Variants in LRP11 observed in about 807,000 individuals in gnomAD.
LRP11 encodes low-density lipoprotein receptor-related protein 11.
A neutral mutation model predicts 43.1 loss-of-function variants in LRP11; 25 were observed. That is an observed-to-expected ratio of 0.58 (90% CI 0.42 to 0.81). The LOEUF (loss-of-function observed/expected upper bound fraction) is 0.81. Ranked by LOEUF, LRP11 falls within the 30% of genes least tolerant of loss-of-function variation. The probability of loss-of-function intolerance (pLI) is 0.00; values close to 1 mark genes in which losing one functional copy is unlikely to be tolerated. For missense variants in LRP11, 623 were observed against 665.1 expected (o/e 0.94, Z 0.70); for synonymous variants, 316 against 299.4 (o/e 1.06, Z -0.57).
chr6:149,837,857 C>A (rs1776493863), intron 3 of LRP11, among the ~76,000 whole-genome samples: 2 of 152,160 alleles, frequency 1.3e-5, no homozygotes, highest in South Asian at 4.1e-4. Context: ...CAGGAGGGCA[C>A]CTAATACCAT....
At chr6:149,823,449 G>A (rs1311342536) in intron 6 of LRP11, among the ~76,000 whole-genome samples, 2 of 152,178 alleles carry the variant, frequency 1.3e-5, no homozygotes, top group East Asian at 1.9e-4. Context: ...ACCTTGGAAA[G>A]AGGCGACACC....
chr6:149,840,135 G>A lies in LRP11; in HGVS notation c.914-2672C>T, dbSNP rs1351251552. ...ATATAAGCAGGGTACCTGCTCATCT[G>A]TCTACCTCAGCTAGTGTCACCCTTG... On this transcript the variant is annotated intron_variant, in intron 3 of 6. Transcript: ENST00000239367. Among the ~76,000 whole-genome samples, 3 of 152,246 alleles carry A rather than the reference G, an allele frequency of 2.0e-5. No homozygotes were observed. In the East Asian group the frequency reaches 5.8e-4, roughly 29 times the overall value.
intron 1 of LRP11, among the ~76,000 whole-genome samples, chr6:149,853,764 G>A (rs535637923): frequency 2.0e-5 from 3 of 152,186 alleles, no homozygotes; most frequent in Non-Finnish European, 2.9e-5. Flanking sequence ...CATCTGCCTC[G>A]GCCTCTCAAA....
intron 2 of LRP11, chr6:149,852,641 G>A (rs1419991596): frequency 5.9e-6 from 1 of 168,196 alleles, no homozygotes; most frequent in African/African-American, 2.4e-5. Context: ...CTCCTTTGTA[G>A]TTTCAAATTT....
Position 149,863,798 on chromosome 6 carries a change from GCTC to G in LRP11, c.220_222del (p.Glu74del). On this transcript the variant is annotated inframe_deletion, in exon 1 of 7. Coordinates refer to ENST00000239367, the MANE Select transcript of LRP11 (RefSeq NM_032832.6). ...CCGCCCGCGCGCAGCTCCAGCTCCA[GCTC>G]CTCCTGAGGCCGCTCCTGCTGCAGT... The G allele has an allele frequency of 6.7e-7, 1 of 1,496,528 alleles. No individual in the cohort carries two copies. The highest frequency in any genetic ancestry group is 2.8e-5 in the East Asian group (1 of 35,124). The allele number at this position is 1,496,528 out of a possible 1,614,324, so 92.7% of individuals were successfully genotyped here.
At chr6:149,855,812 T>A (rs1478195579) in intron 1 of LRP11, among the ~76,000 whole-genome samples, 1 of 151,700 alleles carries the variant, frequency 6.6e-6, no homozygotes, top group Non-Finnish European at 1.5e-5. Context: ...CACTTAAGAG[T>A]GAGGACTAGT....
At chr6:149,821,815 A>G (rs1413655) in intron 6 of LRP11, among the ~76,000 whole-genome samples, 78,369 of 152,100 alleles carry the variant, frequency 0.52, 22,644 homozygotes, top group East Asian at 0.83. Flanking sequence ...GGCTCATTCT[A>G]TACCATTTGC....
intron 1 of LRP11, among the ~76,000 whole-genome samples, chr6:149,862,579 T>C (rs891486523): frequency 2.9e-5 from 1 of 34,598 alleles, no homozygotes; most frequent in Non-Finnish European, 9.2e-5. Flanking sequence ...TTCTTTTCCT[T>C]TTTTTTTTTT....
intron 1 of LRP11, among the ~76,000 whole-genome samples, chr6:149,859,396 A>ATATATTTT: frequency 5.6e-5 from 4 of 71,486 alleles, no homozygotes; most frequent in Non-Finnish European, 9.2e-5. Context: ...ATATATATAT[A>ATATATTTT]TTTTTTTTTT....
intron 5 of LRP11, among the ~76,000 whole-genome samples, chr6:149,830,300 C>T (rs183822540): frequency 2.6e-5 from 4 of 152,214 alleles, no homozygotes; most frequent in East Asian, 1.9e-4. Flanking sequence ...CATGAGCCAC[C>T]GTGCCCAGCT....
At chr6:149,833,767 G>C (rs1368291077) in intron 5 of LRP11, among the ~76,000 whole-genome samples, 1 of 152,114 alleles carries the variant, frequency 6.6e-6, no homozygotes, top group African/African-American at 2.4e-5. Flanking sequence ...AAATCCAAAG[G>C]CTGATTATCA....
Position 149,863,788 on chromosome 6 carries a change from T to C in LRP11, c.233A>G (p.Glu78Gly). 1 of 1,485,736 alleles carries C rather than the reference T, an allele frequency of 6.7e-7. No individual in the cohort carries two copies. Among genetic ancestry groups the C allele is most frequent in the South Asian group, 1.3e-5 (1 of 79,266 alleles). The allele number at this position is 1,485,736 out of a possible 1,614,324, so 92.0% of individuals were successfully genotyped here. A position where few individuals can be genotyped will look rare whatever the true frequency, so the allele number is the denominator to read the frequency against. Residue 78 changes from glutamate (E) to glycine (G), a missense_variant, in exon 1 of 7, where the codon GAG becomes GGG. By Grantham distance (98) the Glu-to-Gly change is moderately conservative (BLOSUM62 -2). Transcript: ENST00000239367. The part of the protein sequence containing the change: ...QERPQEELEL[E>G]LRAGGGPQED... Reference sequence around the variant, plus strand: ...CTGGGGGCCGCCGCCCGCGCGCAGCTCCAGCTCCAGCTCCTCCTGAGGCCG... The same window carrying C: ...CTGGGGGCCGCCGCCCGCGCGCAGCCCCAGCTCCAGCTCCTCCTGAGGCCG...
intron 1 of LRP11, among the ~76,000 whole-genome samples, chr6:149,856,937 T>C (rs537011654): frequency 1.3e-5 from 2 of 152,236 alleles, no homozygotes; most frequent in Non-Finnish European, 2.9e-5. Flanking sequence ...AAATCCATCA[T>C]GGATTTCCAA....
At chr6:149,863,258 T>C in intron 1 of LRP11, 150 bp downstream of exon 1, 1 of 1,162,734 alleles carries the variant, frequency 8.6e-7, no homozygotes, top group Non-Finnish European at 1.1e-6. Context: ...GGCTTCCTCT[T>C]CCCTAAGACA....
intron 6 of LRP11, among the ~76,000 whole-genome samples, chr6:149,823,770 G>C (rs994819203): frequency 2.0e-5 from 3 of 152,152 alleles, no homozygotes; most frequent in African/African-American, 7.2e-5. Flanking sequence ...AGACTGTTAG[G>C]TATCAAACAA....
chr6:149,838,542 G>A (rs1207344767), intron 3 of LRP11, among the ~76,000 whole-genome samples: 3 of 151,600 alleles, frequency 2.0e-5, no homozygotes, highest in Admixed American at 1.3e-4. Context: ...AAAATTAGCC[G>A]GGCTTGGTGG....
At chr6:149,835,173 C>T (rs1370408820) in intron 5 of LRP11, among the ~76,000 whole-genome samples, 2 of 152,218 alleles carry the variant, frequency 1.3e-5, no homozygotes, top group East Asian at 1.9e-4. Context: ...GAGACAAGGT[C>T]TCACTATGTT....
intron 2 of LRP11, among the ~76,000 whole-genome samples, chr6:149,851,114 G>C (rs936607816): frequency 3.9e-5 from 6 of 152,186 alleles, no homozygotes; most frequent in African/African-American, 1.2e-4. Context: ...CTGTCATTTA[G>C]ATGATGGCTT....
chr6:149,845,969 C>T lies in LRP11; in HGVS notation c.772-2845G>A, dbSNP rs547915379. ...GAATTTGACCATGTATCACCCTGTC[C>T]GCGGGTACCACCTTGCTCTGACCCC... On this transcript the variant is annotated intron_variant, in intron 2 of 6. Transcript: ENST00000239367. Among the ~76,000 whole-genome samples, 9 of 152,298 alleles carry T rather than the reference C, an allele frequency of 5.9e-5. No homozygotes were observed. In the East Asian group the frequency reaches 7.7e-4, roughly 13 times the overall value.
Sources: allele counts gnomAD v4.1 joint callset (sites outside exome capture counted in the v4.1 genomes callset), GRCh38; gene constraint gnomAD v4.1.1; transcripts MANE v1.5; gene names NCBI Gene and HGNC (gene_info 2026-07-23, HGNC 2026-07-21).